The following SPIN1 variants were observed in gnomAD, a reference collection of about 807,000 sequenced individuals.
The protein encoded by SPIN1 is spindlin-1.
A neutral mutation model predicts 26.0 loss-of-function variants in SPIN1; 3 were observed. The observed-to-expected ratio is 0.12, with a 90% CI of 0.05 to 0.30. The LOEUF is 0.30. SPIN1 is among the 10% of genes least tolerant of loss of function. The probability of loss-of-function intolerance (pLI) is 1.00; values close to 1 mark genes in which losing one functional copy is unlikely to be tolerated. For synonymous variants in SPIN1, 101 were observed against 116.5 expected, an observed-to-expected ratio of 0.87 and a Z score of 0.86; for missense variants, 126 against 333.4, an observed-to-expected ratio of 0.38 and a Z score of 4.84.
At chr9:88,403,866 T>G (rs1827239993) in intron 1 of SPIN1, among the ~76,000 whole-genome samples, 1 of 152,218 alleles carries the variant, frequency 6.6e-6, no homozygotes, top group African/African-American at 2.4e-5. Flanking sequence ...TACCCTTTAA[T>G]TTCAGTCTTA....
intron 1 of SPIN1, among the ~76,000 whole-genome samples, chr9:88,394,547 A>G (rs527708861): frequency 6.6e-6 from 1 of 152,270 alleles, no homozygotes; most frequent in South Asian, 2.1e-4. Flanking sequence ...GAAAATTTAC[A>G]TTCTTAGCAA....
intron 3 of SPIN1, 39 bp from the exon 4 acceptor site, chr9:88,462,457 T>C (rs775200996): frequency 1.3e-6 from 2 of 1,595,664 alleles, no homozygotes; most frequent in African/African-American, 1.3e-5. Flanking sequence ...ATGCATACTT[T>C]TGAGATAATA....
intron 1 of SPIN1, among the ~76,000 whole-genome samples, chr9:88,415,255 C>T (rs1175296962): frequency 1.3e-5 from 2 of 152,034 alleles, no homozygotes; most frequent in Non-Finnish European, 2.9e-5. Context: ...CTTCAGATAT[C>T]TACTTGGTAT....
chr9:88,415,386 C>T (rs1191942973), intron 1 of SPIN1, among the ~76,000 whole-genome samples: 2 of 152,094 alleles, frequency 1.3e-5, no homozygotes, highest in Non-Finnish European at 2.9e-5. Context: ...AGAACCTACA[C>T]CAGAGGCCCC....
chr9:88,400,717 A>G (rs1194081094), intron 1 of SPIN1, among the ~76,000 whole-genome samples: 2 of 152,126 alleles, frequency 1.3e-5, no homozygotes, highest in East Asian at 1.9e-4. Context: ...ATCATGGCCC[A>G]TGCCTTAATC....
intron 1 of SPIN1, among the ~76,000 whole-genome samples, chr9:88,415,051 A>G (rs1384655190): frequency 1.3e-5 from 2 of 151,946 alleles, no homozygotes; most frequent in Admixed American, 6.6e-5. Flanking sequence ...CTAAAGGTGC[A>G]TGCCACCACG....
chr9:88,473,199 C>T (rs1274132231), intron 5 of SPIN1, among the ~76,000 whole-genome samples: 1 of 151,434 alleles, frequency 6.6e-6, no homozygotes, highest in Admixed American at 6.6e-5. Flanking sequence ...TCGAGGTCAG[C>T]CTGGTCAATA....
chr9:88,399,477 G>A (rs1272108875), intron 1 of SPIN1, among the ~76,000 whole-genome samples: 3 of 152,218 alleles, frequency 2.0e-5, no homozygotes, highest in Non-Finnish European at 2.9e-5. Flanking sequence ...TGGAAACCAT[G>A]CTAGTTCTAG....
chr9:88,427,669 G>A (rs1282432011), intron 2 of SPIN1, among the ~76,000 whole-genome samples: 1 of 151,304 alleles, frequency 6.6e-6, no homozygotes, highest in Middle Eastern at 3.4e-3. Flanking sequence ...GGCTCCAGGT[G>A]ATCTGCAGCC....
intron 1 of SPIN1, among the ~76,000 whole-genome samples, chr9:88,403,356 C>T (rs1014280562): frequency 3.3e-5 from 5 of 152,060 alleles, no homozygotes; most frequent in East Asian, 1.9e-4. Flanking sequence ...TCCTTAGTTC[C>T]GATACCTTTT....
At chr9:88,436,913 C>T (rs1003644892) in intron 2 of SPIN1, among the ~76,000 whole-genome samples, 6 of 151,520 alleles carry the variant, frequency 4.0e-5, no homozygotes, top group South Asian at 4.2e-4. Context: ...TACAGGCGCC[C>T]GCCACTACGC....
At chr9:88,420,005 A>G (rs531911612) in intron 1 of SPIN1, among the ~76,000 whole-genome samples, 66 of 152,368 alleles carry the variant, frequency 4.3e-4, no homozygotes, top group Non-Finnish European at 8.2e-4. Flanking sequence ...TTACAAGGAA[A>G]GTAACTTTGA....
In SPIN1 at chr9:88,401,098, C is replaced by T. The variant is rs1461944082; in HGVS notation, c.-159+12560C>T. ...TGGTGGAACTGTACTTTGCTAGGAC[C>T]TTTTTGGAGGATGGCTGCACTAAAA... On this transcript the variant is annotated intron_variant, in intron 1 of 5. Transcript: ENST00000375859. Among the ~76,000 whole-genome samples, 5 of 152,144 alleles carry T rather than the reference C, an allele frequency of 3.3e-5. No homozygotes were observed. The East Asian group carries it at 9.6e-4, about 29-fold the overall frequency.
At chr9:88,419,119 A>G (rs1012426285) in intron 1 of SPIN1, among the ~76,000 whole-genome samples, 1 of 152,172 alleles carries the variant, frequency 6.6e-6, no homozygotes, top group Admixed American at 6.5e-5. Flanking sequence ...ATATGTCAGT[A>G]TGTTCAATTC....
At chr9:88,405,856 G>C (rs920460404) in intron 1 of SPIN1, among the ~76,000 whole-genome samples, 2 of 151,126 alleles carry the variant, frequency 1.3e-5, no homozygotes, top group African/African-American at 4.9e-5. Flanking sequence ...GTTTGTTTTT[G>C]AGACAGGGTC....
chr9:88,415,977 C>G (rs973298948), intron 1 of SPIN1, among the ~76,000 whole-genome samples: 9 of 148,954 alleles, frequency 6.0e-5, no homozygotes, highest in Non-Finnish European at 1.2e-4. Flanking sequence ...AGGATGGTCT[C>G]GATCTCCTGA....
intron 2 of SPIN1, among the ~76,000 whole-genome samples, chr9:88,445,085 C>T (rs529219535): frequency 7.2e-5 from 11 of 152,172 alleles, no homozygotes; most frequent in Non-Finnish European, 1.6e-4. Flanking sequence ...ATTTGAGGCA[C>T]CCTTTCCTGG....
intron 1 of SPIN1, among the ~76,000 whole-genome samples, chr9:88,412,271 T>C (rs1469373554): frequency 2.0e-5 from 3 of 152,194 alleles, no homozygotes; most frequent in Non-Finnish European, 4.4e-5. Flanking sequence ...TATTCCAAGC[T>C]CCTCTAATAT....
intron 1 of SPIN1, among the ~76,000 whole-genome samples, chr9:88,426,125 A>G (rs1045269795): frequency 6.6e-6 from 1 of 152,300 alleles, no homozygotes; most frequent in East Asian, 1.9e-4. Context: ...ATTGTGTTCC[A>G]GTTGATCTTG....
Sources: allele counts gnomAD v4.1 joint callset (sites outside exome capture counted in the v4.1 genomes callset), GRCh38; gene constraint gnomAD v4.1.1; transcripts MANE v1.5; gene names NCBI Gene and HGNC (gene_info 2026-07-23, HGNC 2026-07-21).